The following CAST variants were observed in gnomAD, a reference collection of about 807,000 sequenced individuals.
CAST encodes the protein calpastatin.
Under a neutral mutation model 119.6 loss-of-function variants are expected in CAST, and 76 were observed. The observed-to-expected ratio is 0.64, with a 90% CI of 0.53 to 0.77. The LOEUF (loss-of-function observed/expected upper bound fraction) is 0.77, where lower values mean the gene tolerates loss of function less well. Ranked by LOEUF, CAST falls within the 30% of genes least tolerant of loss-of-function variation. The pLI, the probability that CAST is intolerant of heterozygous loss-of-function variation, is 0.00. For synonymous variants in CAST, 319 were observed against 331.6 expected, an observed-to-expected ratio of 0.96 and a Z score of 0.41; for missense variants, 953 against 946.5, an observed-to-expected ratio of 1.01 and a Z score of -0.09.
chr5:95,985,588 C>T, the CAST span, among the ~76,000 whole-genome samples: 1 of 152,180 alleles, frequency 6.6e-6, no homozygotes, highest in Non-Finnish European at 1.5e-5. Context: ...TAGCTGGCCC[C>T]TGATGGAAAA....
intron 1 of CAST, among the ~76,000 whole-genome samples, chr5:96,549,289 A>G (rs1746080518): frequency 6.6e-6 from 1 of 152,258 alleles, no homozygotes; most frequent in African/African-American, 2.4e-5. Context: ...TGAATTAGGC[A>G]TATCAAATAA....
chr5:96,285,295 G>A, the CAST span, among the ~76,000 whole-genome samples: 34 of 152,278 alleles, frequency 2.2e-4, no homozygotes, highest in Non-Finnish European at 4.4e-4. Flanking sequence ...TATACGTCAC[G>A]TGTTGATAAG....
At chr5:96,365,672 G>A in the CAST span, among the ~76,000 whole-genome samples, 2 of 151,926 alleles carry the variant, frequency 1.3e-5, no homozygotes, top group African/African-American at 4.8e-5. Context: ...TTTTCCATTT[G>A]CTTGGAAGAT....
At chr5:96,756,830 T>C (rs1766421004) in intron 22 of CAST, among the ~76,000 whole-genome samples, 2 of 152,242 alleles carry the variant, frequency 1.3e-5, no homozygotes, top group South Asian at 2.1e-4. Flanking sequence ...GCATGCTTTC[T>C]TCATTTTGTC....
the CAST span, among the ~76,000 whole-genome samples, chr5:96,362,429 A>T: frequency 6.6e-6 from 1 of 152,328 alleles, no homozygotes; most frequent in Non-Finnish European, 1.5e-5. Flanking sequence ...ACAATGGTTG[A>T]ACTAGTTTAC....
chr5:96,656,884 A>T (rs533049235), intron 1 of CAST, among the ~76,000 whole-genome samples: 9 of 152,320 alleles, frequency 5.9e-5, no homozygotes, highest in African/African-American at 2.2e-4. Flanking sequence ...AGGAATCAAG[A>T]TTCTGCATGT....
the CAST span, among the ~76,000 whole-genome samples, chr5:96,261,390 A>T: frequency 6.6e-6 from 1 of 152,246 alleles, no homozygotes; most frequent in Non-Finnish European, 1.5e-5. Context: ...GTCTTGGGTG[A>T]CAGTGGGACA....
the CAST span, among the ~76,000 whole-genome samples, chr5:96,331,589 C>T: frequency 1.3e-5 from 2 of 152,186 alleles, no homozygotes; most frequent in Non-Finnish European, 2.9e-5. Context: ...GCAGTTTATT[C>T]TCCTTGTTTT....
intron 1 of CAST, among the ~76,000 whole-genome samples, chr5:96,643,877 A>T (rs112608939): frequency 0.062 from 9,435 of 152,024 alleles, 469 homozygotes; most frequent in African/African-American, 0.14. Flanking sequence ...ATCTCAAAAA[A>T]ATAATAATAA....
At chr5:96,354,712 AAATAT>A in the CAST span, among the ~76,000 whole-genome samples, 3 of 148,946 alleles carry the variant, frequency 2.0e-5, no homozygotes, top group African/African-American at 7.3e-5. Flanking sequence ...TATGCAATGT[AAATAT>A]AATATATAAG....
chr5:96,267,581 C>T, the CAST span, among the ~76,000 whole-genome samples: 6 of 152,180 alleles, frequency 3.9e-5, no homozygotes, highest in Admixed American at 3.9e-4. Flanking sequence ...GCAAAGCTAT[C>T]CTTCAAATAT....
the CAST span, among the ~76,000 whole-genome samples, chr5:96,095,778 A>G: frequency 6.6e-6 from 1 of 152,070 alleles, no homozygotes; most frequent in South Asian, 2.1e-4. Flanking sequence ...TATCTTCTTG[A>G]CAAAGACCCA....
the CAST span, among the ~76,000 whole-genome samples, chr5:96,035,041 G>GTATATATATATATA: frequency 5.6e-5 from 6 of 107,960 alleles, no homozygotes; most frequent in African/African-American, 2.1e-4. Context: ...TTGTATTTAA[G>GTATATATATATATA]TATATATATA....
the CAST span, among the ~76,000 whole-genome samples, chr5:96,108,137 CA>C: frequency 6.6e-6 from 1 of 151,942 alleles, no homozygotes; most frequent in Admixed American, 6.6e-5. Flanking sequence ...AAATTTTTTT[CA>C]AAGTTTTCAA....
At chr5:96,743,911 C>T (rs185795047) in intron 16 of CAST, among the ~76,000 whole-genome samples, 8 of 152,072 alleles carry the variant, frequency 5.3e-5, no homozygotes, top group East Asian at 3.9e-4. Context: ...CACCTGAGGG[C>T]GACAGGGCCA....
chr5:96,270,697 G>C, the CAST span, among the ~76,000 whole-genome samples: 135 of 152,090 alleles, frequency 8.9e-4, no homozygotes, highest in Middle Eastern at 3.4e-3. Context: ...CACACACTGG[G>C]GCCTATCCGA....
chr5:96,728,749 T>C (rs1759830618), intron 6 of CAST: 1 of 161,384 alleles, frequency 6.2e-6, no homozygotes, highest in Admixed American at 6.1e-5. Context: ...AGTGCTGGGA[T>C]TACAGGCGTG....
chr5:96,230,366 T>G, the CAST span, among the ~76,000 whole-genome samples: 1 of 152,132 alleles, frequency 6.6e-6, no homozygotes, highest in African/African-American at 2.4e-5. Flanking sequence ...AATTTAAATT[T>G]TATCAATTTA....
At chr5:96,004,141 G>A in the CAST span, among the ~76,000 whole-genome samples, 1 of 152,224 alleles carries the variant, frequency 6.6e-6, no homozygotes, top group Non-Finnish European at 1.5e-5. Flanking sequence ...CATGCCATGT[G>A]CTATGTTTTA....
Sources: allele counts gnomAD v4.1 joint callset (sites outside exome capture counted in the v4.1 genomes callset), GRCh38; gene constraint gnomAD v4.1.1; transcripts MANE v1.5; gene names NCBI Gene and HGNC (gene_info 2026-07-23, HGNC 2026-07-21).